Variants in CEP57 observed in about 807,000 individuals in gnomAD.
CEP57 encodes the protein centrosomal protein 57.
CEP57 carries 40 observed loss-of-function variants against 68.0 expected under a neutral mutation model. The ratio of observed to expected loss-of-function variants is 0.59; its 90% CI spans 0.46 to 0.77. CEP57 has a LOEUF of 0.77. Ranked by LOEUF, CEP57 falls within the 30% of genes least tolerant of loss-of-function variation. The pLI is 0.00. For missense variants in CEP57, 606 were observed against 580.7 expected (o/e 1.04, Z -0.45); for synonymous variants, 219 against 198.7 (o/e 1.10, Z -0.86).
At chr11:95,828,207 C>G (rs1862837145) in intron 9 of CEP57, among the ~76,000 whole-genome samples, 180 bp downstream of exon 9, 1 of 152,146 alleles carries the variant, frequency 6.6e-6, no homozygotes, top group South Asian at 2.1e-4. Context: ...AAATCTCTCT[C>G]TTTTTAAATA....
chr11:95,804,745 C>T (rs963712336), intron 2 of CEP57, among the ~76,000 whole-genome samples: 5 of 152,054 alleles, frequency 3.3e-5, no homozygotes, highest in African/African-American at 1.2e-4. Context: ...AAAGTGTGCT[C>T]ATATATAAAT....
intron 8 of CEP57, 57 bp from the exon 9 acceptor site, chr11:95,827,728 GA>G: frequency 6.2e-7 from 1 of 1,605,952 alleles, no homozygotes; most frequent in African/African-American, 1.3e-5. Context: ...TTAGGGAATA[GA>G]AAGTGGTGTA....
intron 2 of CEP57, among the ~76,000 whole-genome samples, chr11:95,805,416 TA>T: frequency 6.6e-6 from 1 of 152,198 alleles, no homozygotes; most frequent in Non-Finnish European, 1.5e-5. Flanking sequence ...TTTTTCTAGT[TA>T]TATTGTAGTC....
At chr11:95,825,550 A>G (rs1862700830) in intron 8 of CEP57, 3 of 152,146 alleles carry the variant, frequency 2.0e-5, no homozygotes, top group Non-Finnish European at 2.9e-5. Flanking sequence ...TTGACATTAG[A>G]TAATCTGACA....
At chr11:95,808,210 GA>G (rs1178087119) in intron 2 of CEP57, among the ~76,000 whole-genome samples, 1 of 152,068 alleles carries the variant, frequency 6.6e-6, no homozygotes, top group African/African-American at 2.4e-5. Context: ...AAGATCTCCT[GA>G]AGGAACAACT....
Position 95,799,246 on chromosome 11 carries a change from G to GCCAT in CEP57, c.62_65dup (p.Arg23IlefsTer4). The GCCAT allele has an allele frequency of 6.2e-7, 1 of 1,614,052 alleles. No individual in the cohort carries two copies. Among genetic ancestry groups the GCCAT allele is most frequent in the Non-Finnish European group, 8.5e-7 (1 of 1,179,976 alleles). Reference sequence around the variant, plus strand: ...TTATTTTTTAGAACAGCTTTGCTGAGCCATCAAGGTCTAATGGAAGCATGG... The same window carrying GCCAT: ...TTATTTTTTAGAACAGCTTTGCTGAGCCATCCATCAAGGTCTAATGGAAGCATGG... On this transcript the variant is annotated frameshift_variant, in exon 2 of 11. Transcript: ENST00000325542. LOFTEE classifies it high-confidence loss of function.
chr11:95,799,174 T>C, intron 1 of CEP57, 58 bp from the exon 2 acceptor site: 1 of 1,567,902 alleles, frequency 6.4e-7, no homozygotes, highest in Non-Finnish European at 8.8e-7. Context: ...ATTTGTGATT[T>C]AAATCTGCTA....
At chr11:95,820,112 T>C (rs938629233) in intron 6 of CEP57, among the ~76,000 whole-genome samples, 4 of 152,356 alleles carry the variant, frequency 2.6e-5, no homozygotes, top group Admixed American at 6.5e-5. Flanking sequence ...ATACAAAATT[T>C]AGTAAGTTCC....
At chr11:95,795,044 T>TG (rs1438796600) in intron 1 of CEP57, among the ~76,000 whole-genome samples, 3 of 152,082 alleles carry the variant, frequency 2.0e-5, no homozygotes, top group Admixed American at 6.6e-5. Flanking sequence ...CACTTGGAGG[T>TG]GGGGGGGTCA....
chr11:95,827,797 T>G lies in CEP57; in HGVS notation c.897T>G (p.Pro299=). The G allele has an allele frequency of 6.2e-7, 1 of 1,614,100 alleles. No homozygotes were observed. Among genetic ancestry groups the G allele is most frequent in the South Asian group, 1.1e-5 (1 of 91,072 alleles). ...TTTTCTTCCTTTAGTCCACAAGCCC[T>G]AGCCATGCCGTGGTAGCCAATGTTC... ...MPFVAGKSTS[P]SHAVVANVQL... is the part of the protein sequence containing the mutation. The change falls in exon 9 of 11, where the codon CCT becomes CCG. Residue 299 remains proline (P), a synonymous_variant. Transcript: ENST00000325542.
At chr11:95,816,112 C>CT (rs1862286128) in intron 4 of CEP57, among the ~76,000 whole-genome samples, 1 of 152,150 alleles carries the variant, frequency 6.6e-6, no homozygotes, top group African/African-American at 2.4e-5. Flanking sequence ...TTAATTGACT[C>CT]ACAGTTCTGT....
intron 2 of CEP57, among the ~76,000 whole-genome samples, chr11:95,800,356 G>A (rs778457998): frequency 1.6e-4 from 24 of 151,704 alleles, no homozygotes; most frequent in African/African-American, 3.4e-4. Context: ...TGTCTCCTAC[G>A]GTAACAGTAG....
chr11:95,801,805 A>G (rs1861592035), intron 2 of CEP57, among the ~76,000 whole-genome samples: 1 of 152,110 alleles, frequency 6.6e-6, no homozygotes, highest in Non-Finnish European at 1.5e-5. Flanking sequence ...TTTAAGGAAT[A>G]AAAGAGAAGT....
intron 2 of CEP57, among the ~76,000 whole-genome samples, chr11:95,799,794 C>T (rs536531455): frequency 6.6e-6 from 1 of 152,300 alleles, no homozygotes; most frequent in Non-Finnish European, 1.5e-5. Context: ...TTTTCTCCTC[C>T]TCATCCCCAG....
At position 95,831,088 on chromosome 11, in the gene CEP57, T is replaced by A; in HGVS notation, c.1335T>A (p.Asp445Glu). Residue 445 changes from aspartate to glutamate, a missense_variant, in exon 11 of 11, where the codon GAT (aspartate) becomes GAA (glutamate). Physicochemically the swap from Asp to Glu is conservative, Grantham distance 45. Transcript: ENST00000325542. ...KELKATKKTL[D>E]EERNSSSRSG... ...TAAAAGCTACCAAAAAGACTCTTGA[T>A]GAAGAAAGAAACAGCAGCAGCCGTT... 1 of 1,613,354 alleles carries A rather than the reference T, an allele frequency of 6.2e-7. No homozygotes were observed. Among genetic ancestry groups the A allele is most frequent in the Non-Finnish European group, 8.5e-7 (1 of 1,179,650 alleles).
intron 9 of CEP57, among the ~76,000 whole-genome samples, chr11:95,828,530 G>C (rs1862855930): frequency 6.6e-6 from 1 of 152,168 alleles, no homozygotes; most frequent in African/African-American, 2.4e-5. Context: ...GACCACTGTT[G>C]TATATGTGGT....
chr11:95,811,525 C>G (rs1393704669), intron 2 of CEP57, among the ~76,000 whole-genome samples: 1 of 149,362 alleles, frequency 6.7e-6, no homozygotes, highest in Non-Finnish European at 1.5e-5. Context: ...CACATGTATA[C>G]ATATGTAACA....
chr11:95,827,903 C>T lies in CEP57; in HGVS notation c.1003C>T (p.Gln335Ter). 1 of 1,614,118 alleles carries T rather than the reference C, an allele frequency of 6.2e-7. No homozygotes were observed. The highest frequency in any genetic ancestry group is 8.5e-7 in the Non-Finnish European group (1 of 1,180,028). The change falls in exon 9 of 11, where the codon CAA becomes TAA. Residue 335 changes from glutamine to a stop codon, truncating the protein, a stop_gained. Coordinates refer to ENST00000325542, the MANE Select transcript of CEP57 (RefSeq NM_014679.5). LOFTEE classifies it high-confidence loss of function. ...RVINSIPLAKQVSSRGGKSKK... is the reference protein window; with the variant it reads ...RVINSIPLAK The stretch of plus-strand genomic sequence containing the variant: ...CATCAACAGTATTCCTTTGGCAAAG[C>T]AAGTATCTTCACGAGGTGGTAAAAG...
chr11:95,822,695 G>GGATCATGCCTTTACCAGTGTGTT, intron 8 of CEP57, 119 bp downstream of exon 8: 1 of 866,072 alleles, frequency 1.2e-6, no homozygotes, highest in Non-Finnish European at 1.9e-6. Context: ...ACCAGTGTGT[G>GGATCATGCCTTTACCAGTGTGTT]GATCACAGTG....
Sources: allele counts gnomAD v4.1 joint callset (sites outside exome capture counted in the v4.1 genomes callset), GRCh38; gene constraint gnomAD v4.1.1; transcripts MANE v1.5; gene names NCBI Gene and HGNC (gene_info 2026-07-23, HGNC 2026-07-21).